Variants in PLCE1 observed in about 807,000 individuals in gnomAD.
The protein encoded by PLCE1 is 1-phosphatidylinositol 4,5-bisphosphate phosphodiesterase epsilon-1.
A neutral mutation model predicts 242.8 loss-of-function variants in PLCE1; 119 were observed. The observed-to-expected ratio is 0.49, with a 90% confidence interval of 0.42 to 0.57. PLCE1 has a LOEUF of 0.57. PLCE1 is among the 20% of genes least tolerant of loss of function. The pLI is 0.00. For synonymous variants in PLCE1, 945 were observed against 1,017.4 expected (o/e 0.93, Z 1.35); for missense variants, 2,441 against 2,788.8 (o/e 0.88, Z 2.81).
At chr10:94,253,456 C>A (rs891004956) in intron 9 of PLCE1, among the ~76,000 whole-genome samples, 1 of 152,136 alleles carries the variant, frequency 6.6e-6, no homozygotes, top group African/African-American at 2.4e-5. Context: ...TGGGCTCAAG[C>A]TGTTCTCCTG....
At chr10:94,220,416 A>ATATATATATATATATG (rs2049699786) in intron 4 of PLCE1, among the ~76,000 whole-genome samples, 1 of 120,924 alleles carries the variant, frequency 8.3e-6, no homozygotes, top group South Asian at 2.7e-4. Flanking sequence ...ATATATATAT[A>ATATATATATATATATG]TATGATTGGG....
chr10:94,233,975 T>C (rs1239064785), intron 5 of PLCE1, 79 bp from the exon 6 acceptor site: 3 of 1,292,130 alleles, frequency 2.3e-6, no homozygotes, highest in Non-Finnish European at 3.3e-6. Flanking sequence ...AAAGAATGAA[T>C]TTGTATGGAA....
At chr10:94,009,328 C>G (rs2061119448) in intron 1 of PLCE1, among the ~76,000 whole-genome samples, 1 of 152,080 alleles carries the variant, frequency 6.6e-6, no homozygotes, top group Admixed American at 6.5e-5. Context: ...AAGGGGATGG[C>G]ACTAAGCCAT....
At chr10:94,204,748 G>C in intron 4 of PLCE1, among the ~76,000 whole-genome samples, 1 of 122,448 alleles carries the variant, frequency 8.2e-6, no homozygotes, top group African/African-American at 3.3e-5. Flanking sequence ...AGAAGGGAGG[G>C]AGGAAGGAAG....
At chr10:94,219,921 G>GA (rs2137056578) in intron 4 of PLCE1, among the ~76,000 whole-genome samples, 1 of 152,186 alleles carries the variant, frequency 6.6e-6, no homozygotes, top group African/African-American at 2.4e-5. Context: ...TTGAGGCTCT[G>GA]AAAAAGCTAC....
intron 3 of PLCE1, among the ~76,000 whole-genome samples, chr10:94,163,493 G>A (rs1344459209): frequency 6.6e-6 from 1 of 151,664 alleles, no homozygotes; most frequent in East Asian, 1.9e-4. Flanking sequence ...GCCTTTTTTT[G>A]TTTTCCATTT....
chr10:94,112,827 C>T (rs2045996991), intron 2 of PLCE1, among the ~76,000 whole-genome samples: 1 of 152,160 alleles, frequency 6.6e-6, no homozygotes, highest in Non-Finnish European at 1.5e-5. Flanking sequence ...TCACCTACTT[C>T]TCTATCTTGC....
At chr10:93,994,902 A>C (rs914420454) in intron 1 of PLCE1, among the ~76,000 whole-genome samples, 3 of 152,228 alleles carry the variant, frequency 2.0e-5, no homozygotes, top group Admixed American at 6.5e-5. Context: ...GTCATTTTAA[A>C]TAGTGAGTTC....
intron 1 of PLCE1, among the ~76,000 whole-genome samples, chr10:94,014,742 A>G (rs1174100150): frequency 2.0e-5 from 3 of 152,174 alleles, no homozygotes; most frequent in Non-Finnish European, 4.4e-5. Context: ...GCTCAATGTA[A>G]TATCTTTAGG....
intron 27 of PLCE1, among the ~76,000 whole-genome samples, chr10:94,312,565 C>T (rs1276119071): frequency 6.6e-6 from 1 of 152,176 alleles, no homozygotes; most frequent in East Asian, 1.9e-4. Flanking sequence ...GAAAGCCCTC[C>T]CTGGTTTCTC....
intron 4 of PLCE1, among the ~76,000 whole-genome samples, chr10:94,198,638 C>A (rs1330673594): frequency 6.6e-6 from 1 of 152,220 alleles, no homozygotes; most frequent in South Asian, 2.1e-4. Flanking sequence ...CTATCTCAAA[C>A]CTCTGGGATC....
chr10:94,301,107 G>T (rs2053020602), intron 24 of PLCE1, among the ~76,000 whole-genome samples: 1 of 151,984 alleles, frequency 6.6e-6, no homozygotes, highest in African/African-American at 2.4e-5. Context: ...CACTTTGGGA[G>T]GCCAAGGTAG....
chr10:94,277,680 C>T lies in PLCE1; in HGVS notation c.4666-2102C>T, dbSNP rs117861846. Among the ~76,000 whole-genome samples the T allele has an allele frequency of 1.8e-3, 279 of 152,238 alleles. 1 individual carries two copies. Among genetic ancestry groups the T allele is most frequent in the Admixed American group, 3.5e-3 (53 of 15,294 alleles). On this transcript the variant is annotated intron_variant, in intron 19 of 32. Transcript: ENST00000371380. ...TGAGTCAAGGCCCTTCTCTTATCAGCGATAAACAGACCTGCTTTTGTGGCT... is the reference window on the plus strand; with the variant it reads ...TGAGTCAAGGCCCTTCTCTTATCAGTGATAAACAGACCTGCTTTTGTGGCT...
At chr10:94,255,941 CT>C (rs1273476307) in intron 11 of PLCE1, among the ~76,000 whole-genome samples, 8 of 150,044 alleles carry the variant, frequency 5.3e-5, no homozygotes, top group Non-Finnish European at 1.2e-4. Flanking sequence ...CTCTCTCTCT[CT>C]CTCTCTCTCT....
chr10:94,023,826 T>C (rs531346645), intron 1 of PLCE1, among the ~76,000 whole-genome samples: 4 of 152,244 alleles, frequency 2.6e-5, no homozygotes, highest in African/African-American at 9.6e-5. Flanking sequence ...TTTTTGAGTC[T>C]GGAGCCTTGC....
chr10:94,305,355 A>C (rs989458124), intron 25 of PLCE1, among the ~76,000 whole-genome samples: 3 of 152,222 alleles, frequency 2.0e-5, no homozygotes, highest in Non-Finnish European at 4.4e-5. Flanking sequence ...GAATTACTTG[A>C]GTCCAGAAAG....
chr10:94,214,087 C>T (rs1405079509), intron 4 of PLCE1, among the ~76,000 whole-genome samples: 1 of 152,114 alleles, frequency 6.6e-6, no homozygotes, highest in South Asian at 2.1e-4. Context: ...TCCTTTGGCT[C>T]CACATCCTGT....
At chr10:94,071,495 GTTTT>G (rs559496577) in intron 2 of PLCE1, among the ~76,000 whole-genome samples, 2 of 83,312 alleles carry the variant, frequency 2.4e-5, no homozygotes, top group Admixed American at 1.5e-4. Flanking sequence ...TTTGGTTTTC[GTTTT>G]TTTTTTTTTT....
chr10:94,048,998 A>G (rs1378878761), intron 2 of PLCE1, among the ~76,000 whole-genome samples: 1 of 151,940 alleles, frequency 6.6e-6, no homozygotes, highest in Non-Finnish European at 1.5e-5. Context: ...TCCTGAGCTC[A>G]AGCTATGCTC....
Sources: allele counts gnomAD v4.1 joint callset (sites outside exome capture counted in the v4.1 genomes callset), GRCh38; gene constraint gnomAD v4.1.1; transcripts MANE v1.5; gene names NCBI Gene and HGNC (gene_info 2026-07-23, HGNC 2026-07-21).